Variants in UNC80 observed in about 807,000 individuals in gnomAD.
UNC80 encodes unc-80 subunit of NALCN channel complex.
Under a neutral mutation model 384.6 loss-of-function variants are expected in UNC80, and 164 were observed. The observed-to-expected ratio is 0.43, with a 90% CI of 0.38 to 0.49. The LOEUF (loss-of-function observed/expected upper bound fraction) is 0.49. Ranked by LOEUF, UNC80 falls within the 20% of genes least tolerant of loss-of-function variation. The pLI, the probability that UNC80 is intolerant of heterozygous loss-of-function variation, is 0.00. For missense variants in UNC80, 3,330 were observed against 4,143.0 expected, an observed-to-expected ratio of 0.80 and a Z score of 5.39; for synonymous variants, 1,486 against 1,527.8, an observed-to-expected ratio of 0.97 and a Z score of 0.64.
chr2:209,977,482 C>G (rs369483179), intron 58 of UNC80, among the ~76,000 whole-genome samples: 50 of 152,168 alleles, frequency 3.3e-4, no homozygotes, highest in African/African-American at 1.2e-3. Flanking sequence ...TTCCTTTAAT[C>G]TATACAAATA....
chr2:209,928,329 C>T (rs1348704947), intron 36 of UNC80, among the ~76,000 whole-genome samples: 1 of 152,012 alleles, frequency 6.6e-6, no homozygotes. Flanking sequence ...GAGTGAGACT[C>T]CATCTCAAAA....
chr2:209,826,569 G>T (rs549403053), intron 14 of UNC80, among the ~76,000 whole-genome samples: 1 of 152,124 alleles, frequency 6.6e-6, no homozygotes, highest in Non-Finnish European at 1.5e-5. Context: ...ATTTGAGAAT[G>T]AACCTTGCCT....
chr2:209,937,670 G>C, intron 42 of UNC80, 40 bp downstream of exon 42: 1 of 1,429,150 alleles, frequency 7.0e-7, no homozygotes, highest in South Asian at 1.2e-5. Flanking sequence ...GTTTTGTCAT[G>C]TTGTTGGAGT....
intron 22 of UNC80, among the ~76,000 whole-genome samples, chr2:209,866,533 CAG>C (rs369408644): frequency 0.045 from 4,670 of 103,414 alleles, 135 homozygotes; most frequent in Middle Eastern, 0.076. Context: ...CACACACACA[CAG>C]AGAGAGAGAG....
At chr2:209,933,372 C>T (rs549022819) in intron 38 of UNC80, among the ~76,000 whole-genome samples, 1 of 152,108 alleles carries the variant, frequency 6.6e-6, no homozygotes, top group South Asian at 2.1e-4. Context: ...CACGTGTACC[C>T]CTGAATTTAG....
At chr2:209,918,425 C>A in intron 32 of UNC80, 107 bp from the exon 33 acceptor site, 6 of 1,282,456 alleles carry the variant, frequency 4.7e-6, no homozygotes, top group Non-Finnish European at 6.4e-6. Context: ...TGTGTGAAGT[C>A]ACTTGGATGA....
At chr2:209,903,460 T>TATAC (rs1161642848) in intron 28 of UNC80, among the ~76,000 whole-genome samples, 2 of 108,456 alleles carry the variant, frequency 1.8e-5, no homozygotes, top group East Asian at 2.3e-4. Context: ...TATTTATATA[T>TATAC]ACATTATATA....
chr2:209,938,710 C>CTCTCTCTG (rs1491352008), intron 42 of UNC80, among the ~76,000 whole-genome samples: 32 of 83,514 alleles, frequency 3.8e-4, no homozygotes, highest in Admixed American at 9.3e-4. Context: ...CTCTCTCTCT[C>CTCTCTCTG]TGTGTGTGTG....
chr2:209,830,403 A>AT (rs1263794909), intron 15 of UNC80, among the ~76,000 whole-genome samples: 5 of 152,274 alleles, frequency 3.3e-5, no homozygotes, highest in East Asian at 1.9e-4. Flanking sequence ...ATTGCAAATG[A>AT]TTTTTTTCTC....
intron 28 of UNC80, among the ~76,000 whole-genome samples, chr2:209,901,184 T>C (rs747966978): frequency 6.6e-6 from 1 of 152,170 alleles, no homozygotes; most frequent in East Asian, 1.9e-4. Flanking sequence ...TCTGGGACTT[T>C]CGTAGCTAGA....
intron 63 of UNC80, among the ~76,000 whole-genome samples, 187 bp downstream of exon 63, chr2:209,993,613 T>C (rs1405719782): frequency 2.6e-5 from 4 of 152,322 alleles, no homozygotes; most frequent in African/African-American, 7.2e-5. Context: ...AGTCCCTGTC[T>C]GTACCCCCAT....
At chr2:209,800,976 T>A (rs1285507721) in intron 7 of UNC80, among the ~76,000 whole-genome samples, 1 of 152,226 alleles carries the variant, frequency 6.6e-6, no homozygotes, top group African/African-American at 2.4e-5. Flanking sequence ...CTTCCAATTA[T>A]GTAGTCGATT....
intron 48 of UNC80, among the ~76,000 whole-genome samples, chr2:209,955,162 T>A (rs756125628): frequency 1.1e-4 from 17 of 152,090 alleles, no homozygotes; most frequent in Non-Finnish European, 2.5e-4. Context: ...CATTCTGCCA[T>A]GCTGTGTGTC....
intron 26 of UNC80, among the ~76,000 whole-genome samples, chr2:209,891,888 A>G (rs567239687): frequency 6.6e-6 from 1 of 152,280 alleles, no homozygotes; most frequent in South Asian, 2.1e-4. Context: ...ATTTTATACC[A>G]TTTGGTTTTG....
intron 43 of UNC80, among the ~76,000 whole-genome samples, chr2:209,940,172 G>A (rs532991667): frequency 3.3e-5 from 5 of 152,202 alleles, no homozygotes; most frequent in African/African-American, 1.2e-4. Flanking sequence ...CAAAGACCGG[G>A]TATTTGTGTG....
chr2:209,850,543 C>G (rs1277892219), intron 22 of UNC80, among the ~76,000 whole-genome samples: 3 of 152,088 alleles, frequency 2.0e-5, no homozygotes, highest in Non-Finnish European at 2.9e-5. Context: ...TGAAATTTCT[C>G]TGTGACATTT....
intron 19 of UNC80, 38 bp from the exon 20 acceptor site, chr2:209,840,504 A>G: frequency 2.0e-6 from 3 of 1,503,104 alleles, no homozygotes; most frequent in Non-Finnish European, 2.7e-6. Context: ...TTGGATAGAA[A>G]ATGCTACATT....
At chr2:209,981,016 A>G (rs2093144538) in intron 59 of UNC80, among the ~76,000 whole-genome samples, 1 of 152,234 alleles carries the variant, frequency 6.6e-6, no homozygotes, top group Non-Finnish European at 1.5e-5. Flanking sequence ...ATTTTAAGTC[A>G]GTGATTATAT....
At position 209,976,759 on chromosome 2, in the gene UNC80, T is replaced by C. The variant is rs909296229; in HGVS notation, c.8773-154T>C. On this transcript the variant is annotated intron_variant, in intron 57 of 64. Coordinates refer to ENST00000673920, the MANE Select transcript of UNC80 (RefSeq NM_001371986.1). The surrounding 1 kb of genome is among the most constrained non-coding windows in gnomAD (Gnocchi z 4.3). The stretch of plus-strand genomic sequence containing the variant: ...TTCTTAGGGCAGTGATTTAAAACGA[T>C]GTAATTATTAAGCACTTCCTGTGTA... Among the ~76,000 whole-genome samples, 5 of 152,190 alleles carry C rather than the reference T, an allele frequency of 3.3e-5. No individual in the cohort carries two copies. Among genetic ancestry groups the C allele is most frequent in the Admixed American group, 2.6e-4 (4 of 15,286 alleles).
Sources: allele counts gnomAD v4.1 joint callset (sites outside exome capture counted in the v4.1 genomes callset), GRCh38; gene constraint gnomAD v4.1.1; non-coding constraint Gnocchi (gnomAD v3.1); transcripts MANE v1.5; gene names NCBI Gene and HGNC (gene_info 2026-07-23, HGNC 2026-07-21).